Variants in STAU1 observed in about 807,000 individuals in gnomAD.
The protein encoded by STAU1 is staufen double-stranded RNA binding protein 1, also known as double-stranded RNA-binding protein Staufen homolog 1.
STAU1 carries 13 observed loss-of-function variants against 62.9 expected under a neutral mutation model. The observed-to-expected ratio is 0.21, with a 90% confidence interval of 0.13 to 0.33. The LOEUF (loss-of-function observed/expected upper bound fraction) is 0.33. Among genes scored for constraint, STAU1 ranks in the 10% least tolerant of loss-of-function variants. The pLI, the probability that STAU1 is intolerant of heterozygous loss-of-function variation, is 1.00. For synonymous variants in STAU1, 269 were observed against 265.1 expected (o/e 1.01, Z -0.14); for missense variants, 571 against 712.1 (o/e 0.80, Z 2.25).
chr20:49,206,801 G>GC, the STAU1 span, among the ~76,000 whole-genome samples: 2 of 143,594 alleles, frequency 1.4e-5, no homozygotes, highest in Non-Finnish European at 3.0e-5. Context: ...CTGTCACCAG[G>GC]CTGGAGTGCA....
intron 1 of STAU1, among the ~76,000 whole-genome samples, chr20:49,175,952 G>A (rs185497664): frequency 0.012 from 1,798 of 151,770 alleles, 41 homozygotes; most frequent in African/African-American, 0.04. Context: ...CCGCCACCTC[G>A]CCCGGCTAAT....
At position 49,118,261 on chromosome 20, in the gene STAU1, C is replaced by T. The variant is rs374334056; in HGVS notation, c.1189+72G>A. ...ATGCGGGACCTCACTGGCTGGGCTC[C>T]TGCTGTTATTCAGGACCCATGCAAA... On this transcript the variant is annotated intron_variant, in intron 10 of 13. Transcript: ENST00000371856. 131 of 1,469,050 alleles carry T rather than the reference C, an allele frequency of 8.9e-5. 1 individual carries two copies. Among genetic ancestry groups the T allele is most frequent in the South Asian group, 8.3e-4 (71 of 85,878 alleles). The allele number at this position is 1,469,050 out of a possible 1,614,324, so 91.0% of individuals were successfully genotyped here.
Position 49,113,714 on chromosome 20 carries a change from A to C in STAU1, c.*1164T>G, listed in dbSNP as rs368751374. On this transcript the variant is annotated 3_prime_UTR_variant, in exon 14 of 14. Coordinates refer to ENST00000371856, the MANE Select transcript of STAU1 (RefSeq NM_017453.4). The stretch of plus-strand genomic sequence containing the variant: ...AGTAACACAACATCAAAAGCAACAC[A>C]GCTGTATACAGAAACGTAGGTCATT... 6.5e-6 allele frequency: 1 copy of C among 152,672 alleles called. No individual in the cohort carries two copies. The highest frequency in any genetic ancestry group is 2.4e-5 in the African/African-American group (1 of 41,462). 9.5% of individuals were successfully genotyped at this position (152,672 alleles called of 1,614,324 possible). A position where few individuals can be genotyped will look rare whatever the true frequency, so the allele number is the denominator to read the frequency against.
chr20:49,158,397 G>C, intron 3 of STAU1: 1 of 1,270,470 alleles, frequency 7.9e-7, no homozygotes, highest in Non-Finnish European at 1.0e-6. Flanking sequence ...GTATGTCTAG[G>C]TCATTTAAAT....
rs1263847042 is a variant in STAU1, at chr20:49,177,660, CAG to C, written c.-159-3393_-159-3392del. Among the ~76,000 whole-genome samples, 24 of 151,210 alleles carry C rather than the reference CAG, an allele frequency of 1.6e-4. No homozygotes were observed. In the East Asian group the frequency reaches 2.4e-3, roughly 15 times the overall value. ...CACCACTGCACTCCAGCCTGGATGA[CAG>C]AGTGAGACTCCGTCTCAAAAACAAA... On this transcript the variant is annotated intron_variant, in intron 1 of 13. Coordinates refer to ENST00000371856, the MANE Select transcript of STAU1 (RefSeq NM_017453.4).
intron 1 of STAU1, among the ~76,000 whole-genome samples, chr20:49,185,143 A>G (rs551159363): frequency 5.3e-5 from 8 of 152,340 alleles, no homozygotes; most frequent in Middle Eastern, 3.4e-3. Context: ...CTATGTTAGA[A>G]GATTATCTTT....
chr20:49,139,342 T>A (rs1316473703), intron 5 of STAU1, among the ~76,000 whole-genome samples: 1 of 152,110 alleles, frequency 6.6e-6, no homozygotes, highest in Non-Finnish European at 1.5e-5. Flanking sequence ...GGGATTAATA[T>A]CCAGAATATA....
chr20:49,128,759 T>G (rs1412075997), intron 6 of STAU1, among the ~76,000 whole-genome samples: 1 of 117,970 alleles, frequency 8.5e-6, no homozygotes, highest in Admixed American at 9.7e-5. Context: ...CAGGCACAAT[T>G]AGACATCCAA....
rs577314291 is a variant in STAU1 at position 49,177,131 on chromosome 20, C to T, written c.-159-2862G>A. 7.9e-5 allele frequency among the ~76,000 whole-genome samples: 12 copies of T among 151,818 alleles called. No homozygotes were observed. In the South Asian group the frequency reaches 1.3e-3, roughly 16 times the overall value. On this transcript the variant is annotated intron_variant, in intron 1 of 13. Coordinates refer to ENST00000371856, the MANE Select transcript of STAU1 (RefSeq NM_017453.4). ...CTCACCATGTTAGCCAGGCTGGTCT[C>T]GATCTCCTGACCTCGTGATCCGCCC...
chr20:49,157,976 G>A (rs2093388626), intron 3 of STAU1, among the ~76,000 whole-genome samples: 2 of 151,660 alleles, frequency 1.3e-5, no homozygotes, highest in African/African-American at 2.4e-5. Flanking sequence ...TCACTACTTT[G>A]GAATTTAACA....
At chr20:49,150,334 T>C (rs563209291) in intron 5 of STAU1, among the ~76,000 whole-genome samples, 10 of 152,172 alleles carry the variant, frequency 6.6e-5, no homozygotes, top group East Asian at 1.9e-4. Flanking sequence ...ACACTTACAA[T>C]AGTCAATTTA....
rs1410095002 is a variant in STAU1 at position 49,124,568 on chromosome 20, G to A, written c.629C>T (p.Pro210Leu). ...VNFEVARESG[P>L]PHMKNFVTKV... is the part of the protein sequence containing the mutation. ...GGTCACAAAGTTCTTCATGTGGGGT[G>A]GGCCACTCTCCCGGGCCACCTGTTT... The change falls in exon 7 of 14, where the codon CCA becomes CTA. Residue 210 changes from proline (P) to leucine (L), a missense_variant. Pro to Leu is a moderately conservative substitution (Grantham distance 98). This residue lies in a region of STAU1 where 414 missense variants were observed against 499.6 expected (regional missense o/e 0.83). Coordinates refer to ENST00000371856, the MANE Select transcript of STAU1 (RefSeq NM_017453.4). 35 of 1,613,894 alleles carry A rather than the reference G, an allele frequency of 2.2e-5. No homozygotes were observed. The highest frequency in any genetic ancestry group is 3.0e-5 in the Non-Finnish European group (35 of 1,180,028).
At chr20:49,161,163 T>TAA (rs879681419) in intron 3 of STAU1, among the ~76,000 whole-genome samples, 5 of 138,418 alleles carry the variant, frequency 3.6e-5, no homozygotes, top group East Asian at 4.2e-4. Context: ...CACAAAGAAT[T>TAA]AAAAAAAAAA....
chr20:49,120,350 C>G (rs1324823925), intron 8 of STAU1, among the ~76,000 whole-genome samples: 1 of 152,132 alleles, frequency 6.6e-6, no homozygotes, highest in Non-Finnish European at 1.5e-5. Context: ...ATTATATAAG[C>G]TGATAATTAT....
rs1473081135 is a variant in STAU1, at chr20:49,114,409, G to T, written c.*469C>A. The T allele has an allele frequency of 6.3e-6, 1 of 159,388 alleles. No individual in the cohort carries two copies. Among genetic ancestry groups the T allele is most frequent in the Non-Finnish European group, 1.4e-5 (1 of 72,310 alleles). 9.9% of individuals were successfully genotyped at this position (159,388 alleles called of 1,614,324 possible). ...GGGTCACGCTGAGTAGGAAGCATTT[G>T]ATTTTCTCTGGTGCTTTTAGCTCTG... On this transcript the variant is annotated 3_prime_UTR_variant, in exon 14 of 14. Transcript: ENST00000371856.
chr20:49,204,629 TATATATATATATA>T, the STAU1 span, among the ~76,000 whole-genome samples: 51 of 59,498 alleles, frequency 8.6e-4, no homozygotes, highest in Admixed American at 2.1e-3. Flanking sequence ...TATATGTGTA[TATATATATATATA>T]TATATTTTTT....
chr20:49,132,855 T>C (rs1413751031), intron 6 of STAU1, among the ~76,000 whole-genome samples: 1 of 152,248 alleles, frequency 6.6e-6, no homozygotes, highest in African/African-American at 2.4e-5. Flanking sequence ...CGAAGCTTCC[T>C]ATGTGACAGA....
chr20:49,193,975 A>ATT, the STAU1 span, among the ~76,000 whole-genome samples: 1 of 4,018 alleles, frequency 2.5e-4, no homozygotes, highest in Non-Finnish European at 3.4e-3. Flanking sequence ...AGAAAAAAGA[A>ATT]AAAAAAAAAA....
At chr20:49,115,328 T>C (rs550404313) in intron 13 of STAU1, among the ~76,000 whole-genome samples, 1 of 151,498 alleles carries the variant, frequency 6.6e-6, no homozygotes, top group East Asian at 1.9e-4. Flanking sequence ...TGGGACGGAG[T>C]CTTGCTCTGT....
Sources: gnomAD v4.1 joint callset for allele counts (sites outside exome capture counted in the v4.1 genomes callset) on GRCh38, gnomAD v4.1.1 for gene constraint, gnomAD v4.1.1 regional missense constraint, MANE v1.5 for transcripts, NCBI Gene and HGNC (gene_info 2026-07-23, HGNC 2026-07-21) for gene names.